The following DYNC2H1 variants were observed in gnomAD, a reference collection of about 807,000 sequenced individuals.
DYNC2H1 encodes the protein cytoplasmic dynein 2 heavy chain 1.
In DYNC2H1, 410 loss-of-function variants were observed where a neutral mutation model predicts 570.0. That is an observed-to-expected ratio of 0.72 (90% CI 0.66 to 0.78). The LOEUF (loss-of-function observed/expected upper bound fraction) is 0.78, where lower values mean the gene tolerates loss of function less well. Among genes scored for constraint, DYNC2H1 ranks in the 30% least tolerant of loss-of-function variants. DYNC2H1 has a pLI of 0.00. For missense variants in DYNC2H1, 4,865 were observed against 5,046.4 expected, an observed-to-expected ratio of 0.96 and a Z score of 1.09; for synonymous variants, 1,688 against 1,677.6, an observed-to-expected ratio of 1.01 and a Z score of -0.15.
Position 103,261,013 on chromosome 11 carries a change from A to G in DYNC2H1, c.10695+1036A>G, listed in dbSNP as rs1411733557. Among the ~76,000 whole-genome samples, 1 of 152,144 alleles carries G rather than the reference A, an allele frequency of 6.6e-6. No individual in the cohort carries two copies. The highest frequency in any genetic ancestry group is 1.9e-4 in the East Asian group (1 of 5,194). ...GTAAAGGCAATTAATTCAGAGAAAT[A>G]GAATTATTATGGTTCAATTATATAG... On this transcript the variant is annotated intron_variant, in intron 70 of 88. Coordinates refer to ENST00000375735, the MANE Select transcript of DYNC2H1 (RefSeq NM_001377.3). This position sits in a 1 kb window ranked among gnomAD's most constrained non-coding sequence, Gnocchi z 4.8.
intron 83 of DYNC2H1, among the ~76,000 whole-genome samples, chr11:103,379,992 G>T (rs1174053577): frequency 6.6e-6 from 1 of 152,154 alleles, no homozygotes; most frequent in Non-Finnish European, 1.5e-5. Flanking sequence ...ACATATAAAT[G>T]ATTCAAATGA....
In DYNC2H1 at chr11:103,311,909, G is replaced by A. The variant is rs759231451; in HGVS notation, c.11525G>A (p.Arg3842His). The A allele has an allele frequency of 3.1e-5, 50 of 1,611,592 alleles. No homozygotes were observed. Among genetic ancestry groups the A allele is most frequent in the Admixed American group, 8.4e-5 (5 of 59,696 alleles). The change falls in exon 79 of 89, where the codon CGT becomes CAT. Residue 3842 changes from arginine to histidine, a missense_variant. By Grantham distance (29) the Arg-to-His change is conservative. Coordinates refer to ENST00000375735, the MANE Select transcript of DYNC2H1 (RefSeq NM_001377.3). ...SPPGLKKNLM[R>H]TYESWTPEQI... ...CCAGGTTTAAAGAAGAATTTAATGC[G>A]TACTTATGAGTCTTGGACTCCTGAG...
At chr11:103,377,241 A>G (rs530274690) in intron 83 of DYNC2H1, among the ~76,000 whole-genome samples, 25 of 152,284 alleles carry the variant, frequency 1.6e-4, no homozygotes, top group African/African-American at 5.5e-4. Flanking sequence ...GCACTCATGT[A>G]GTGCAAATAT....
chr11:103,162,895 A>G, intron 29 of DYNC2H1, 133 bp from the exon 30 acceptor site: 1 of 624,936 alleles, frequency 1.6e-6, no homozygotes. Flanking sequence ...AATGATCAAT[A>G]GGAAAGTATA....
intron 40 of DYNC2H1, among the ~76,000 whole-genome samples, chr11:103,182,929 GA>G (rs1275152395): frequency 1.3e-5 from 2 of 151,832 alleles, no homozygotes; most frequent in Admixed American, 6.6e-5. Flanking sequence ...GATTTGTGAG[GA>G]TAGCGATGCA....
At chr11:103,242,697 T>G (rs1292785276) in intron 63 of DYNC2H1, among the ~76,000 whole-genome samples, 1 of 152,150 alleles carries the variant, frequency 6.6e-6, no homozygotes, top group Non-Finnish European at 1.5e-5. Context: ...CTAAGTGCCA[T>G]TGTGTGTGGA....
At chr11:103,282,119 C>T in intron 71 of DYNC2H1, 60 bp from the exon 72 acceptor site, 1 of 1,514,228 alleles carries the variant, frequency 6.6e-7, no homozygotes, top group Non-Finnish European at 9.0e-7. Context: ...GAAAGTTAGA[C>T]AATTTTGTTA....
At chr11:103,134,471 A>G (rs1859436743) in intron 15 of DYNC2H1, 52 bp downstream of exon 15, 2 of 1,424,142 alleles carry the variant, frequency 1.4e-6, no homozygotes, top group African/African-American at 1.4e-5. Flanking sequence ...CCTTTTCAGA[A>G]TGTAAGTACA....
intron 81 of DYNC2H1, among the ~76,000 whole-genome samples, chr11:103,322,053 C>T (rs535958167): frequency 1.4e-4 from 21 of 152,170 alleles, no homozygotes; most frequent in African/African-American, 5.1e-4. Flanking sequence ...AAATATATTA[C>T]TCTTACTGAC....
intron 83 of DYNC2H1, among the ~76,000 whole-genome samples, chr11:103,374,910 G>A (rs1041140044): frequency 1.3e-5 from 2 of 152,186 alleles, no homozygotes. Context: ...ATAATGAAGA[G>A]CCAAACACTA....
chr11:103,212,309 G>A (rs1047287381), intron 54 of DYNC2H1, among the ~76,000 whole-genome samples: 3 of 151,952 alleles, frequency 2.0e-5, no homozygotes, highest in Non-Finnish European at 4.4e-5. Flanking sequence ...TAAGAGTAGG[G>A]TGGGGAGGGA....
intron 55 of DYNC2H1, among the ~76,000 whole-genome samples, chr11:103,219,266 A>T (rs2135145356): frequency 6.6e-6 from 1 of 152,348 alleles, no homozygotes; most frequent in African/African-American, 2.4e-5. Context: ...ATATACAAAG[A>T]TGTTCAACCT....
intron 75 of DYNC2H1, among the ~76,000 whole-genome samples, chr11:103,293,519 T>G (rs1422906690): frequency 6.6e-6 from 1 of 152,176 alleles, no homozygotes. Flanking sequence ...TCCTGATCTC[T>G]TTCTTTACAT....
Position 103,187,556 on chromosome 11 carries a change from G to T in DYNC2H1, c.7110G>T (p.Gly2370=), listed in dbSNP as rs551642297. Residue 2370 remains glycine (G), a synonymous_variant, in exon 43 of 89, where the codon GGG becomes GGT. Transcript: ENST00000375735. The stretch of plus-strand genomic sequence containing the variant: ...ACCTACCTAAACTTGATAAATGGGG[G>T]ACCAGTACTTTGGTAGCATTCCTAC... ...DINLPKLDKW[G]TSTLVAFLQQ... 1.2e-6 allele frequency: 2 copies of T among 1,613,002 alleles called. No homozygotes were observed. The highest frequency in any genetic ancestry group is 1.7e-6 in the Non-Finnish European group (2 of 1,179,388).
At chr11:103,390,816 A>C (rs576072160) in intron 83 of DYNC2H1, among the ~76,000 whole-genome samples, 5 of 152,308 alleles carry the variant, frequency 3.3e-5, no homozygotes, top group African/African-American at 1.2e-4. Context: ...AGAATGTTGA[A>C]TATTGGCCCC....
At position 103,280,840 on chromosome 11, in the gene DYNC2H1, C is replaced by T. The variant is rs1866101065; in HGVS notation, c.10761+427C>T. On this transcript the variant is annotated intron_variant, in intron 71 of 88. Coordinates refer to ENST00000375735, the MANE Select transcript of DYNC2H1 (RefSeq NM_001377.3). This position sits in a 1 kb window ranked among gnomAD's most constrained non-coding sequence, Gnocchi z 4.7. ...AGATGGGCAGTTCTCAGAAGTTTTC[C>T]TGAACCTACAGGTTTATGTTAATTT... Among the ~76,000 whole-genome samples, 1 of 152,042 alleles carries T rather than the reference C, an allele frequency of 6.6e-6. No individual in the cohort carries two copies. The highest frequency in any genetic ancestry group is 1.5e-5 in the Non-Finnish European group (1 of 67,946).
At chr11:103,220,473 T>C in intron 56 of DYNC2H1, 150 bp from the exon 57 acceptor site, 1 of 776,330 alleles carries the variant, frequency 1.3e-6, no homozygotes, top group Non-Finnish European at 1.9e-6. Context: ...TTACACCTTG[T>C]ATGATTGAAA....
chr11:103,423,388 A>G (rs909948581), intron 84 of DYNC2H1, among the ~76,000 whole-genome samples: 3 of 151,302 alleles, frequency 2.0e-5, no homozygotes, highest in African/African-American at 4.8e-5. Context: ...GAGTAATTAA[A>G]TAGCCAAAAG....
chr11:103,226,571 A>C (rs777393372), intron 59 of DYNC2H1, among the ~76,000 whole-genome samples: 1 of 152,286 alleles, frequency 6.6e-6, no homozygotes, highest in Non-Finnish European at 1.5e-5. Context: ...CCAGTTGATC[A>C]TGGTGGATTA....
Sources: gnomAD v4.1 joint callset for allele counts (sites outside exome capture counted in the v4.1 genomes callset) on GRCh38, gnomAD v4.1.1 for gene constraint, Gnocchi (gnomAD v3.1) non-coding constraint, MANE v1.5 for transcripts, NCBI Gene and HGNC (gene_info 2026-07-23, HGNC 2026-07-21) for gene names.